The following BMPR2 variants were observed in gnomAD, a reference collection of about 807,000 sequenced individuals.
The protein encoded by BMPR2 is bone morphogenetic protein receptor type-2.
In BMPR2, 29 loss-of-function variants were observed where a neutral mutation model predicts 100.8. The observed-to-expected ratio is 0.29, with a 90% confidence interval of 0.21 to 0.39. BMPR2 has a LOEUF of 0.39. Ranked by LOEUF, BMPR2 falls within the 10% of genes least tolerant of loss-of-function variation. The pLI is 1.00. For synonymous variants in BMPR2, 382 were observed against 442.3 expected (o/e 0.86, Z 1.71); for missense variants, 1,011 against 1,274.5 (o/e 0.79, Z 3.15).
At chr2:202,499,681 A>G (rs922362328) in intron 3 of BMPR2, among the ~76,000 whole-genome samples, 11 of 152,310 alleles carry the variant, frequency 7.2e-5, no homozygotes, top group African/African-American at 9.6e-5. Flanking sequence ...TTATTACCCA[A>G]TCAGCCACAG....
intron 1 of BMPR2, among the ~76,000 whole-genome samples, chr2:202,460,521 A>C (rs1337569355): frequency 6.6e-6 from 1 of 152,170 alleles, no homozygotes; most frequent in Non-Finnish European, 1.5e-5. Context: ...CTAAACTAAA[A>C]ATTCAATAGA....
chr2:202,380,337 AT>A (rs1690253328), intron 1 of BMPR2, among the ~76,000 whole-genome samples: 1 of 152,182 alleles, frequency 6.6e-6, no homozygotes, highest in Non-Finnish European at 1.5e-5. Flanking sequence ...TTAGATTGCA[AT>A]TTTACATACA....
At chr2:202,469,850 A>AGGGG (rs1297586967) in intron 3 of BMPR2, among the ~76,000 whole-genome samples, 1 of 151,264 alleles carries the variant, frequency 6.6e-6, no homozygotes, top group African/African-American at 2.4e-5. Context: ...AAGGGGGGGA[A>AGGGG]AAAAAGCCCT....
intron 3 of BMPR2, among the ~76,000 whole-genome samples, chr2:202,509,685 A>G (rs1002898377): frequency 8.6e-5 from 13 of 151,854 alleles, no homozygotes; most frequent in Admixed American, 3.3e-4. Context: ...TTAATATTTT[A>G]TTTAATTGGT....
chr2:202,538,173 GC>G (rs1327462116), intron 9 of BMPR2, among the ~76,000 whole-genome samples: 1 of 152,062 alleles, frequency 6.6e-6, no homozygotes. Flanking sequence ...TCAGAGGTTG[GC>G]CGGGCACGGT....
At chr2:202,489,176 T>G (rs1367811429) in intron 3 of BMPR2, among the ~76,000 whole-genome samples, 1 of 152,098 alleles carries the variant, frequency 6.6e-6, no homozygotes, top group African/African-American at 2.4e-5. Flanking sequence ...TAATTTTTTG[T>G]ATTTTAAGTA....
At chr2:202,526,359 A>G (rs958624440) in intron 7 of BMPR2, among the ~76,000 whole-genome samples, 1 of 152,178 alleles carries the variant, frequency 6.6e-6, no homozygotes, top group African/African-American at 2.4e-5. Flanking sequence ...TAGTGAAGAG[A>G]ACTTTAATAT....
At chr2:202,435,070 G>C (rs1691586516) in intron 1 of BMPR2, among the ~76,000 whole-genome samples, 1 of 146,016 alleles carries the variant, frequency 6.8e-6, no homozygotes, top group Admixed American at 6.8e-5. Flanking sequence ...TCAAAAATAA[G>C]CTGGATAGGC....
chr2:202,517,976 CTTTT>C (rs67110605), intron 5 of BMPR2, among the ~76,000 whole-genome samples: 2 of 88,462 alleles, frequency 2.3e-5, no homozygotes, highest in Admixed American at 2.6e-4. Context: ...CCACGCCTGA[CTTTT>C]TTTTTTTTTT....
intron 1 of BMPR2, among the ~76,000 whole-genome samples, chr2:202,389,648 ATT>A (rs879338693): frequency 1.4e-5 from 2 of 143,974 alleles, no homozygotes; most frequent in Non-Finnish European, 1.5e-5. Context: ...TTATAAATTT[ATT>A]TTTTTTTTTT....
chr2:202,391,303 G>C (rs993906190), intron 1 of BMPR2, among the ~76,000 whole-genome samples: 5 of 151,512 alleles, frequency 3.3e-5, no homozygotes, highest in African/African-American at 1.2e-4. Flanking sequence ...TGTTGTTGTT[G>C]TTGTTGTTGT....
At chr2:202,519,850 A>G (rs1251453673) in intron 6 of BMPR2, among the ~76,000 whole-genome samples, 1 of 152,154 alleles carries the variant, frequency 6.6e-6, no homozygotes, top group Admixed American at 6.6e-5. Flanking sequence ...CATAATTTTT[A>G]ATATTAGAGA....
chr2:202,424,070 C>CA (rs773518674), intron 1 of BMPR2, among the ~76,000 whole-genome samples: 30,352 of 58,486 alleles, frequency 0.52, 7,525 homozygotes, highest in East Asian at 0.6. Context: ...AAGACTGTCT[C>CA]AAAAAAAAAA....
chr2:202,545,404 C>T (rs759179243), intron 10 of BMPR2, among the ~76,000 whole-genome samples: 2 of 151,958 alleles, frequency 1.3e-5, no homozygotes, highest in Non-Finnish European at 2.9e-5. Flanking sequence ...GTTCTTATTT[C>T]CAGAATGTAA....
At chr2:202,535,494 G>C (rs1276865937) in intron 9 of BMPR2, among the ~76,000 whole-genome samples, 1 of 151,216 alleles carries the variant, frequency 6.6e-6, no homozygotes, top group Non-Finnish European at 1.5e-5. Context: ...ATGGGCGGCC[G>C]GGCAGAGACG....
chr2:202,417,286 G>A (rs1691152722), intron 1 of BMPR2, among the ~76,000 whole-genome samples: 1 of 152,126 alleles, frequency 6.6e-6, no homozygotes. Context: ...ACAGGGACCT[G>A]CCACCATGCC....
At chr2:202,537,576 G>T (rs551433162) in intron 9 of BMPR2, among the ~76,000 whole-genome samples, 1 of 152,206 alleles carries the variant, frequency 6.6e-6, no homozygotes, top group East Asian at 1.9e-4. Flanking sequence ...GATAGAAACA[G>T]TTCTAGAAAT....
intron 7 of BMPR2, among the ~76,000 whole-genome samples, chr2:202,524,134 A>G (rs190611917): frequency 0.034 from 5,168 of 151,940 alleles, 289 homozygotes; most frequent in African/African-American, 0.12. Flanking sequence ...GGGCTGAGGC[A>G]GGCGGATCAC....
At chr2:202,526,092 C>G (rs12989025) in intron 7 of BMPR2, among the ~76,000 whole-genome samples, 19,204 of 151,948 alleles carry the variant, frequency 0.13, 1,287 homozygotes, top group Admixed American at 0.14. Flanking sequence ...TCTTGAACTC[C>G]TGACCTCAGG....
Sources: allele counts gnomAD v4.1 joint callset (sites outside exome capture counted in the v4.1 genomes callset), GRCh38; gene constraint gnomAD v4.1.1; transcripts MANE v1.5; gene names NCBI Gene and HGNC (gene_info 2026-07-23, HGNC 2026-07-21).